USP3: variants seen among roughly 807,000 people sequenced by gnomAD.
USP3 encodes ubiquitin carboxyl-terminal hydrolase 3.
Under a neutral mutation model 72.3 loss-of-function variants are expected in USP3, and 20 were observed. The ratio of observed to expected loss-of-function variants is 0.28; its 90% CI spans 0.19 to 0.40. The LOEUF is 0.40. USP3 is among the 10% of genes least tolerant of loss of function. The probability of loss-of-function intolerance (pLI) is 1.00; values close to 1 mark genes in which losing one functional copy is unlikely to be tolerated. For synonymous variants in USP3, 222 were observed against 225.3 expected (o/e 0.99, Z 0.13); for missense variants, 479 against 633.9 (o/e 0.76, Z 2.62).
chr15:63,588,490 C>T lies in USP3; in HGVS notation c.1215+67C>T. Reference sequence around the variant, plus strand: ...AAGTGCTTGACTGCTAAGACCATGTCTATAACTTTACACTATGTGAACTGT... The same window carrying T: ...AAGTGCTTGACTGCTAAGACCATGTTTATAACTTTACACTATGTGAACTGT... On this transcript the variant is annotated intron_variant, in intron 12 of 14. Coordinates refer to ENST00000380324, the MANE Select transcript of USP3 (RefSeq NM_006537.4). The surrounding 1 kb of genome is among the most constrained non-coding windows in gnomAD (Gnocchi z 4.6). 1 of 1,198,614 alleles carries T rather than the reference C, an allele frequency of 8.3e-7. No homozygotes were observed. Among genetic ancestry groups the T allele is most frequent in the East Asian group, 2.3e-5 (1 of 43,160 alleles). The allele number at this position is 1,198,614 out of a possible 1,614,324, so 74.2% of individuals were successfully genotyped here. A position where few individuals can be genotyped will look rare whatever the true frequency, so the allele number is the denominator to read the frequency against.
chr15:63,571,656 T>C (rs1595760758), intron 9 of USP3, among the ~76,000 whole-genome samples: 1 of 150,316 alleles, frequency 6.7e-6, no homozygotes, highest in African/African-American at 2.4e-5. Context: ...GGATAGGCTG[T>C]GTGAGGTGAG....
Position 63,537,141 on chromosome 15 carries a change from G to A in USP3, c.269G>A (p.Ser90Asn). Residue 90 changes from serine (S) to asparagine (N), a missense_variant, in exon 3 of 15, where the codon AGC (serine) becomes AAC (asparagine). Ser to Asn is a conservative substitution (Grantham distance 46, BLOSUM62 1). Coordinates refer to ENST00000380324, the MANE Select transcript of USP3 (RefSeq NM_006537.4). ...VQHTVCMDCS[S>N]YSTYCYRCDD... ...CACACAGTATGTATGGATTGCAGTAGCTACAGTACATACTGGTAAGTTAAC... is the reference window on the plus strand; with the variant it reads ...CACACAGTATGTATGGATTGCAGTAACTACAGTACATACTGGTAAGTTAAC... 6.2e-7 allele frequency: 1 copy of A among 1,613,336 alleles called. No homozygotes were observed. The highest frequency in any genetic ancestry group is 8.5e-7 in the Non-Finnish European group (1 of 1,179,758).
intron 11 of USP3, among the ~76,000 whole-genome samples, chr15:63,586,149 T>C (rs1236693150): frequency 6.6e-6 from 1 of 152,226 alleles, no homozygotes; most frequent in Non-Finnish European, 1.5e-5. Context: ...AATTATACTT[T>C]TTCCTTTTCA....
rs903873142 is a variant in USP3, at chr15:63,593,187, T to A, written c.*2361T>A. 6.6e-6 allele frequency: 1 copy of A among 152,276 alleles called. No homozygotes were observed. Among genetic ancestry groups the A allele is most frequent in the African/African-American group, 2.4e-5 (1 of 41,476 alleles). 9.4% of individuals were successfully genotyped at this position (152,276 alleles called of 1,614,324 possible). ...GTGTGCTTAAATTAATTTACAATGC[T>A]AAATTATATTAGGTTAAACTGTATG... On this transcript the variant is annotated 3_prime_UTR_variant, in exon 15 of 15. Transcript: ENST00000380324.
At chr15:63,515,508 T>C (rs1165691656) in intron 1 of USP3, 1 of 152,250 alleles carries the variant, frequency 6.6e-6, no homozygotes, top group Non-Finnish European at 1.5e-5. Flanking sequence ...TCTGTAGGTA[T>C]CTGGATCTCT....
chr15:63,586,995 C>A, intron 11 of USP3, among the ~76,000 whole-genome samples: 1 of 152,146 alleles, frequency 6.6e-6, no homozygotes, highest in South Asian at 2.1e-4. Context: ...CCTGAAGGGG[C>A]GCTGTCTGCT....
In USP3 at chr15:63,544,561, A is replaced by C; in HGVS notation, c.284+7405A>C. On this transcript the variant is annotated intron_variant, in intron 3 of 14. Transcript: ENST00000380324. This position sits in a 1 kb window ranked among gnomAD's most constrained non-coding sequence, Gnocchi z 4.2. Reference sequence around the variant, plus strand: ...AGTGTTTCTAAAGTTAGAATTTTTTAAAGGAAGTAAACCTACATTAAATTT... The same window carrying C: ...AGTGTTTCTAAAGTTAGAATTTTTTCAAGGAAGTAAACCTACATTAAATTT... 3 of 584,418 alleles carry C rather than the reference A, an allele frequency of 5.1e-6. No homozygotes were observed. The highest frequency in any genetic ancestry group is 9.1e-6 in the Non-Finnish European group (3 of 330,332). The allele number at this position is 584,418 out of a possible 1,614,324, so 36.2% of individuals were successfully genotyped here.
At chr15:63,542,295 TTTAA>T (rs1400518572) in intron 3 of USP3, 7 of 675,792 alleles carry the variant, frequency 1.0e-5, no homozygotes, top group Non-Finnish European at 1.3e-5. Context: ...TGTTTTTTAT[TTTAA>T]TTAATATTTA....
At chr15:63,550,350 G>A (rs886449200) in intron 3 of USP3, among the ~76,000 whole-genome samples, 1 of 152,206 alleles carries the variant, frequency 6.6e-6, no homozygotes, top group Non-Finnish European at 1.5e-5. Context: ...CCATGATACA[G>A]TCTGCCTTAG....
At chr15:63,540,974 T>G (rs536485779) in intron 3 of USP3, among the ~76,000 whole-genome samples, 1 of 152,312 alleles carries the variant, frequency 6.6e-6, no homozygotes, top group South Asian at 2.1e-4. Context: ...TGGTGTACAT[T>G]ATTGTGATTG....
At chr15:63,547,758 G>C (rs1304775273) in intron 3 of USP3, among the ~76,000 whole-genome samples, 1 of 15,532 alleles carries the variant, frequency 6.4e-5, no homozygotes, top group Non-Finnish European at 1.9e-4. Context: ...GGGAGGGAGG[G>C]AGGGAGAGAG....
At chr15:63,545,540 A>G (rs1356222366) in intron 3 of USP3, among the ~76,000 whole-genome samples, 3 of 151,218 alleles carry the variant, frequency 2.0e-5, no homozygotes, top group Admixed American at 1.3e-4. Flanking sequence ...CTTATCTAAC[A>G]TCTCTAATAT....
intron 6 of USP3, among the ~76,000 whole-genome samples, chr15:63,558,785 G>A (rs943512912): frequency 2.6e-5 from 4 of 152,318 alleles, no homozygotes; most frequent in Admixed American, 6.5e-5. Flanking sequence ...TGAGGCAGGA[G>A]AATCGCTTGA....
At chr15:63,506,984 T>G (rs2152645162) in intron 1 of USP3, among the ~76,000 whole-genome samples, 1 of 152,340 alleles carries the variant, frequency 6.6e-6, no homozygotes, top group East Asian at 1.9e-4. Flanking sequence ...ATCTTGTTCT[T>G]GCGTGCCTGT....
At chr15:63,575,612 C>G (rs2152679607) in intron 11 of USP3, among the ~76,000 whole-genome samples, 1 of 152,312 alleles carries the variant, frequency 6.6e-6, no homozygotes, top group Admixed American at 6.5e-5. Context: ...CCTACACAAC[C>G]AGTGTTGATT....
intron 3 of USP3, among the ~76,000 whole-genome samples, chr15:63,547,722 TAGAGAGAGAG>T (rs138124125): frequency 5.9e-5 from 4 of 68,096 alleles, no homozygotes; most frequent in African/African-American, 2.5e-4. Flanking sequence ...CCTGTCTCAA[TAGAGAGAGAG>T]AGAGAGAGAG....
intron 11 of USP3, among the ~76,000 whole-genome samples, chr15:63,580,258 T>TA (rs2066931540): frequency 6.6e-6 from 1 of 152,104 alleles, no homozygotes; most frequent in Non-Finnish European, 1.5e-5. Flanking sequence ...TAAAAAACAT[T>TA]TATATGAGTG....
intron 11 of USP3, among the ~76,000 whole-genome samples, chr15:63,580,681 T>TATA (rs2066941827): frequency 1.2e-5 from 1 of 80,370 alleles, no homozygotes. Flanking sequence ...GAATATATAA[T>TATA]ATATATGCAT....
intron 1 of USP3, among the ~76,000 whole-genome samples, chr15:63,531,038 G>A (rs568396830): frequency 8.1e-4 from 123 of 152,284 alleles, no homozygotes; most frequent in Non-Finnish European, 8.4e-4. Context: ...GTAAATATGC[G>A]AATGCACTAA....
Sources: gnomAD v4.1 joint callset for allele counts (sites outside exome capture counted in the v4.1 genomes callset) on GRCh38, gnomAD v4.1.1 for gene constraint, Gnocchi (gnomAD v3.1) non-coding constraint, MANE v1.5 for transcripts, NCBI Gene and HGNC (gene_info 2026-07-23, HGNC 2026-07-21) for gene names.